TMEM64: variants seen among roughly 807,000 people sequenced by gnomAD.
TMEM64 encodes transmembrane protein 64.
TMEM64 carries 19 observed loss-of-function variants against 24.5 expected under a neutral mutation model. The ratio of observed to expected loss-of-function variants is 0.78; its 90% CI spans 0.54 to 1.14. The LOEUF (loss-of-function observed/expected upper bound fraction) is 1.14. Ranked by LOEUF, TMEM64 falls within the 50% of genes most tolerant of loss-of-function variation. The pLI is 0.00. For missense variants in TMEM64, 487 were observed against 493.0 expected (o/e 0.99, Z 0.12); for synonymous variants, 262 against 224.7 (o/e 1.17, Z -1.49).
chr8:90,642,349 T>C (rs1280908120), intron 1 of TMEM64, among the ~76,000 whole-genome samples: 1 of 152,084 alleles, frequency 6.6e-6, no homozygotes, highest in Non-Finnish European at 1.5e-5. Flanking sequence ...CCTAACTTCT[T>C]TGAGGTACGC....
intron 1 of TMEM64, among the ~76,000 whole-genome samples, chr8:90,641,015 T>C (rs1235436927): frequency 6.6e-6 from 1 of 152,214 alleles, no homozygotes; most frequent in East Asian, 1.9e-4. Context: ...TTACACACAG[T>C]ACCCATTTAT....
chr8:90,643,736 G>A (rs1347383094), intron 1 of TMEM64, among the ~76,000 whole-genome samples: 2 of 152,180 alleles, frequency 1.3e-5, no homozygotes, highest in African/African-American at 2.4e-5. Flanking sequence ...CAAAGTTCAA[G>A]TTTATATTTC....
chr8:90,636,385 A>G (rs1050677198), intron 1 of TMEM64, among the ~76,000 whole-genome samples: 15 of 152,068 alleles, frequency 9.9e-5, no homozygotes, highest in Non-Finnish European at 1.6e-4. Flanking sequence ...CCTCCTGAGT[A>G]GCTGGGATTA....
In TMEM64 at chr8:90,624,169, T is replaced by C. The variant is rs996183491; in HGVS notation, c.*1502A>G. 6.6e-6 allele frequency: 1 copy of C among 151,988 alleles called. No homozygotes were observed. Among genetic ancestry groups the C allele is most frequent in the African/African-American group, 2.4e-5 (1 of 41,422 alleles). The allele number at this position is 151,988 out of a possible 1,614,324, so 9.4% of individuals were successfully genotyped here. A position where few individuals can be genotyped will look rare whatever the true frequency, so the allele number is the denominator to read the frequency against. ...CCCATTATAAAGGAAAGGAAAACAA[T>C]TATACCTGATAGAGCAAAAAGATCA... is the stretch of plus-strand genomic sequence containing the variant. On this transcript the variant is annotated 3_prime_UTR_variant, in exon 3 of 3. Coordinates refer to ENST00000458549, the MANE Select transcript of TMEM64 (RefSeq NM_001008495.4).
chr8:90,636,571 T>C (rs1176677974), intron 1 of TMEM64, among the ~76,000 whole-genome samples: 1 of 152,206 alleles, frequency 6.6e-6, no homozygotes, highest in Non-Finnish European at 1.5e-5. Context: ...ATATGGCATT[T>C]TCTATAAGCA....
At chr8:90,631,833 T>C (rs1175697002) in intron 1 of TMEM64, 126 bp from the exon 2 acceptor site, 1 of 641,162 alleles carries the variant, frequency 1.6e-6, no homozygotes, top group Non-Finnish European at 2.5e-6. Context: ...TTTACAACAG[T>C]ATTCTGAGTT....
In TMEM64 at chr8:90,628,654, A is replaced by T. The variant is rs371572778; in HGVS notation, c.952-2792T>A. Among the ~76,000 whole-genome samples the T allele has an allele frequency of 3.3e-5, 5 of 152,322 alleles. 1 individual carries two copies. ...TTGGTTAGTAGATACATAGAAAAATAACAGGCATGGAAGAGTAACTAAATA... is the reference window on the plus strand; with the variant it reads ...TTGGTTAGTAGATACATAGAAAAATTACAGGCATGGAAGAGTAACTAAATA... On this transcript the variant is annotated intron_variant, in intron 2 of 2. Coordinates refer to ENST00000458549, the MANE Select transcript of TMEM64 (RefSeq NM_001008495.4).
intron 1 of TMEM64, among the ~76,000 whole-genome samples, chr8:90,642,204 A>G (rs1809614304): frequency 6.6e-6 from 1 of 152,180 alleles, no homozygotes; most frequent in African/African-American, 2.4e-5. Context: ...AAAATACTTA[A>G]TGCCTTCACT....
chr8:90,633,952 A>C (rs1485019854), intron 1 of TMEM64, among the ~76,000 whole-genome samples: 1 of 152,078 alleles, frequency 6.6e-6, no homozygotes, highest in Non-Finnish European at 1.5e-5. Context: ...TTTATCTCTT[A>C]ATTTTATGTT....
chr8:90,634,051 T>C (rs1314589624), intron 1 of TMEM64, among the ~76,000 whole-genome samples: 6 of 152,156 alleles, frequency 3.9e-5, no homozygotes, highest in Admixed American at 3.9e-4. Context: ...CTTTAGAAAG[T>C]GTTTTAAGAG....
At chr8:90,633,858 CTTGT>C (rs968177380) in intron 1 of TMEM64, among the ~76,000 whole-genome samples, 7 of 151,688 alleles carry the variant, frequency 4.6e-5, no homozygotes, top group African/African-American at 9.7e-5. Flanking sequence ...AAGTGTTTTT[CTTGT>C]TTATTTGTAA....
chr8:90,644,145 G>A (rs868624334), intron 1 of TMEM64, among the ~76,000 whole-genome samples: 5 of 152,300 alleles, frequency 3.3e-5, no homozygotes, highest in Middle Eastern at 6.8e-3. Flanking sequence ...TCTAGCTGAA[G>A]GGTTAAGTTC....
At chr8:90,634,038 T>A (rs1401135254) in intron 1 of TMEM64, among the ~76,000 whole-genome samples, 3 of 152,190 alleles carry the variant, frequency 2.0e-5, no homozygotes, top group Non-Finnish European at 2.9e-5. Flanking sequence ...CCACTGCATT[T>A]AGCTTTAGAA....
rs1809298057 is a variant in TMEM64, at chr8:90,622,612, G to A, written c.*3059C>T. 6.6e-6 allele frequency: 1 copy of A among 152,232 alleles called. No homozygotes were observed. The highest frequency in any genetic ancestry group is 1.5e-5 in the Non-Finnish European group (1 of 68,068). 9.4% of individuals were successfully genotyped at this position (152,232 alleles called of 1,614,324 possible). A position where few individuals can be genotyped will look rare whatever the true frequency, so the allele number is the denominator to read the frequency against. On this transcript the variant is annotated 3_prime_UTR_variant, in exon 3 of 3. Coordinates refer to ENST00000458549, the MANE Select transcript of TMEM64 (RefSeq NM_001008495.4). ...ACATATGTCACAGCACCTTTCTCAA[G>A]AACAGTCCAAATCAGCAGTGCACAT...
Position 90,625,553 on chromosome 8 carries a change from A to C in TMEM64, c.*118T>G. On this transcript the variant is annotated 3_prime_UTR_variant, in exon 3 of 3. Transcript: ENST00000458549. ...AAAAAAAAAATTGTGCAATTTAAAA[A>C]CTAGTCAGTTTTGTTTGTGCTGTAA... The C allele has an allele frequency of 1.2e-6, 1 of 824,434 alleles. No homozygotes were observed. Among genetic ancestry groups the C allele is most frequent in the Non-Finnish European group, 1.8e-6 (1 of 549,236 alleles). The allele number at this position is 824,434 out of a possible 1,614,324, so 51.1% of individuals were successfully genotyped here.
intron 1 of TMEM64, among the ~76,000 whole-genome samples, chr8:90,633,543 T>C (rs1272289972): frequency 6.6e-6 from 1 of 152,238 alleles, no homozygotes; most frequent in Non-Finnish European, 1.5e-5. Flanking sequence ...ACACGTATCT[T>C]AACTCTGGTA....
Position 90,625,586 on chromosome 8 carries a change from A to C in TMEM64, c.*85T>G. On this transcript the variant is annotated 3_prime_UTR_variant, in exon 3 of 3. Coordinates refer to ENST00000458549, the MANE Select transcript of TMEM64 (RefSeq NM_001008495.4). ...GTTTTGTTTGTGCTGTAATACAATT[A>C]GAACTTGTCTCTGCCCACTAGTGAA... The C allele has an allele frequency of 8.9e-7, 1 of 1,125,106 alleles. No individual in the cohort carries two copies. The highest frequency in any genetic ancestry group is 1.8e-5 in the South Asian group (1 of 54,084). 69.7% of individuals were successfully genotyped at this position (1,125,106 alleles called of 1,614,324 possible). A position where few individuals can be genotyped will look rare whatever the true frequency, so the allele number is the denominator to read the frequency against.
chr8:90,626,629 C>CTTTTTTT (rs34029067), intron 2 of TMEM64, among the ~76,000 whole-genome samples: 1 of 105,820 alleles, frequency 9.5e-6, no homozygotes, highest in African/African-American at 4.0e-5. Flanking sequence ...TTTTTTCTTT[C>CTTTTTTT]TTTTTTTTTT....
chr8:90,627,784 TA>T (rs2130495486), intron 2 of TMEM64, among the ~76,000 whole-genome samples: 1 of 152,188 alleles, frequency 6.6e-6, no homozygotes, highest in South Asian at 2.1e-4. Flanking sequence ...AAGTTAAGCA[TA>T]AGCTAGGCAA....
Sources: allele counts gnomAD v4.1 joint callset (sites outside exome capture counted in the v4.1 genomes callset), GRCh38; gene constraint gnomAD v4.1.1; transcripts MANE v1.5; gene names NCBI Gene and HGNC (gene_info 2026-07-23, HGNC 2026-07-21).